The following VPS8 variants were observed in gnomAD, a reference collection of about 807,000 sequenced individuals.
VPS8 encodes vacuolar protein sorting-associated protein 8 homolog.
A neutral mutation model predicts 216.4 loss-of-function variants in VPS8; 129 were observed. The observed-to-expected ratio is 0.60, with a 90% CI of 0.52 to 0.69. The LOEUF is 0.69. Among genes scored for constraint, VPS8 ranks in the 30% least tolerant of loss-of-function variants. The pLI is 0.00. For missense variants in VPS8, 1,531 were observed against 1,683.5 expected, an observed-to-expected ratio of 0.91 and a Z score of 1.59; for synonymous variants, 571 against 565.4, an observed-to-expected ratio of 1.01 and a Z score of -0.14.
intron 35 of VPS8, among the ~76,000 whole-genome samples, chr3:184,938,082 C>G (rs1741961235): frequency 6.6e-6 from 1 of 152,100 alleles, no homozygotes; most frequent in Admixed American, 6.6e-5. Flanking sequence ...AGAAGAAGGT[C>G]TAGGCAAAAG....
At chr3:184,921,191 C>CA (rs1439970009) in intron 29 of VPS8, among the ~76,000 whole-genome samples, 1 of 152,108 alleles carries the variant, frequency 6.6e-6, no homozygotes, top group Admixed American at 6.5e-5. Context: ...AGAGAAAACT[C>CA]AAAATAACAA....
intron 20 of VPS8, among the ~76,000 whole-genome samples, chr3:184,870,427 C>T (rs1338902638): frequency 6.6e-6 from 1 of 152,204 alleles, no homozygotes; most frequent in African/African-American, 2.4e-5. Context: ...GAAACACCTA[C>T]AGCGAGGATT....
intron 36 of VPS8, among the ~76,000 whole-genome samples, chr3:184,956,249 G>C (rs1403264081): frequency 6.6e-6 from 1 of 152,150 alleles, no homozygotes; most frequent in Admixed American, 6.5e-5. Context: ...CTGGAGTCCA[G>C]AGAGTCCCAC....
chr3:184,825,183 TA>T (rs1445020194), intron 2 of VPS8: 1 of 199,122 alleles, frequency 5.0e-6, no homozygotes, highest in African/African-American at 2.3e-5. Context: ...TTTTATGAGA[TA>T]ACATTACTCT....
intron 25 of VPS8, among the ~76,000 whole-genome samples, chr3:184,905,373 T>C (rs1735304236): frequency 6.6e-6 from 1 of 152,230 alleles, no homozygotes; most frequent in South Asian, 2.1e-4. Context: ...TTATCTAATA[T>C]GTAGGCATAT....
chr3:185,005,198 A>G (rs1364244761), intron 45 of VPS8, among the ~76,000 whole-genome samples: 1 of 152,176 alleles, frequency 6.6e-6, no homozygotes, highest in Admixed American at 6.5e-5. Flanking sequence ...ATTTGGCTTT[A>G]TACCTGGTTT....
intron 36 of VPS8, among the ~76,000 whole-genome samples, chr3:184,941,647 A>G (rs1040672100): frequency 3.9e-5 from 6 of 151,974 alleles, no homozygotes; most frequent in Non-Finnish European, 8.8e-5. Context: ...CGCCAGCCCC[A>G]CTTCTCAGCC....
At chr3:184,832,543 TTTCTTTC>T in intron 3 of VPS8, 139 bp from the exon 4 acceptor site, 1 of 689,932 alleles carries the variant, frequency 1.4e-6, no homozygotes, top group Non-Finnish European at 2.3e-6. Context: ...TTCTGTATGG[TTTCTTTC>T]TGGTCAATAA....
At position 185,027,235 on chromosome 3, in the gene VPS8, C is replaced by CTTTT. The variant is rs893256183; in HGVS notation, c.4056+2868_4056+2871dup. 1.7e-3 allele frequency among the ~76,000 whole-genome samples: 153 copies of CTTTT among 87,718 alleles called. 1 individual carries two copies. The highest frequency in any genetic ancestry group is 4.8e-3 in the East Asian group (13 of 2,734). The allele number at this position is 87,718 out of a possible 152,430, so 57.5% of individuals were successfully genotyped here. A position where few individuals can be genotyped will look rare whatever the true frequency, so the allele number is the denominator to read the frequency against. ...GCTAACTTAGTGCAGTTTTTATGTTCTTTTTTTTTTTTTTTTTTTTTTTTT... is the reference window on the plus strand; with the variant it reads ...GCTAACTTAGTGCAGTTTTTATGTTCTTTTTTTTTTTTTTTTTTTTTTTTTTTTT... On this transcript the variant is annotated intron_variant, in intron 46 of 47. Coordinates refer to ENST00000625842, the MANE Select transcript of VPS8 (RefSeq NM_001009921.3).
chr3:184,915,991 A>G (rs1737495510), intron 28 of VPS8, among the ~76,000 whole-genome samples: 2 of 149,594 alleles, frequency 1.3e-5, no homozygotes, highest in South Asian at 2.1e-4. Context: ...CCCTCCTTCT[A>G]TCCCTCCCTC....
intron 47 of VPS8, among the ~76,000 whole-genome samples, chr3:185,050,227 A>G (rs1713903522): frequency 6.6e-6 from 1 of 151,806 alleles, no homozygotes; most frequent in Admixed American, 6.6e-5. Context: ...GGCATCGTAC[A>G]TAACAGTCAT....
intron 14 of VPS8, among the ~76,000 whole-genome samples, chr3:184,858,291 A>G (rs1170215369): frequency 6.6e-6 from 1 of 152,240 alleles, no homozygotes. Flanking sequence ...TTTGGGCTGC[A>G]AGAGTTACAC....
chr3:184,848,122 G>A (rs148911755), intron 8 of VPS8, among the ~76,000 whole-genome samples: 9 of 152,168 alleles, frequency 5.9e-5, no homozygotes, highest in Non-Finnish European at 1.2e-4. Context: ...GTGTTGGCCA[G>A]GCTGGTCTCG....
intron 47 of VPS8, 32 bp from the exon 48 acceptor site, chr3:185,051,844 A>T: frequency 6.4e-7 from 1 of 1,550,480 alleles, no homozygotes; most frequent in South Asian, 1.3e-5. Context: ...GCTCCCCACA[A>T]ACCTTAGCTG....
intron 45 of VPS8, among the ~76,000 whole-genome samples, chr3:185,024,099 A>G (rs1358868575): frequency 2.6e-5 from 4 of 152,190 alleles, no homozygotes; most frequent in African/African-American, 9.6e-5. Context: ...GTTAAAACCA[A>G]TCTAGACCCA....
intron 40 of VPS8, 126 bp downstream of exon 40, chr3:184,971,878 C>T: frequency 1.5e-6 from 1 of 667,880 alleles, no homozygotes; most frequent in Non-Finnish European, 2.6e-6. Flanking sequence ...AGTTTGAGAC[C>T]AGCCTGACCA....
intron 36 of VPS8, among the ~76,000 whole-genome samples, chr3:184,945,647 CCCT>C (rs748151674): frequency 6.6e-6 from 1 of 152,166 alleles, no homozygotes; most frequent in Non-Finnish European, 1.5e-5. Flanking sequence ...CACTCAACAT[CCCT>C]CCTCTGGTTT....
intron 25 of VPS8, among the ~76,000 whole-genome samples, chr3:184,902,120 C>T (rs368580669): frequency 6.7e-6 from 1 of 149,422 alleles, no homozygotes; most frequent in African/African-American, 2.5e-5. Context: ...AGCCCCCCCC[C>T]CCTTTTTTTT....
intron 1 of VPS8, chr3:184,817,540 A>G (rs768181962): frequency 6.6e-6 from 1 of 152,228 alleles, no homozygotes; most frequent in Non-Finnish European, 1.5e-5. Context: ...CTAAGGAAGC[A>G]AAGTTTTAGC....
Sources: allele counts gnomAD v4.1 joint callset (sites outside exome capture counted in the v4.1 genomes callset), GRCh38; gene constraint gnomAD v4.1.1; transcripts MANE v1.5; gene names NCBI Gene and HGNC (gene_info 2026-07-23, HGNC 2026-07-21).